The following ADGRE1 variants were observed in gnomAD, a reference collection of about 807,000 sequenced individuals.
ADGRE1 encodes the protein adhesion G protein-coupled receptor E1.
In ADGRE1, 82 loss-of-function variants were observed where a neutral mutation model predicts 102.7. The observed-to-expected ratio is 0.80, with a 90% CI of 0.67 to 0.96. The LOEUF is 0.96. ADGRE1 is among the 40% of genes least tolerant of loss of function. The pLI, the probability that ADGRE1 is intolerant of heterozygous loss-of-function variation, is 0.00. For synonymous variants in ADGRE1, 398 were observed against 399.6 expected (o/e 1.00, Z 0.05); for missense variants, 1,032 against 1,085.3 (o/e 0.95, Z 0.69).
chr19:6,890,421 GTTTTT>G lies in ADGRE1; in HGVS notation c.32-41_32-37del, dbSNP rs57355800. On this transcript the variant is annotated intron_variant, in intron 1 of 20. Transcript: ENST00000312053. ...TAATTTTGCAGGTTGAGCCCAAAAG[GTTTTT>G]TTTTTTTTTTTTTTTTTTGGTGGTT... The G allele has an allele frequency of 4.0e-3, 1,807 of 450,006 alleles. 5 individuals are homozygous for G. Among genetic ancestry groups the G allele is most frequent in the African/African-American group, 0.032 (870 of 27,144 alleles). 27.9% of individuals were successfully genotyped at this position (450,006 alleles called of 1,614,324 possible).
At chr19:6,929,293 C>A (rs1174184864) in intron 17 of ADGRE1, among the ~76,000 whole-genome samples, 1 of 152,144 alleles carries the variant, frequency 6.6e-6, no homozygotes, top group African/African-American at 2.4e-5. Context: ...GACTTCTGGC[C>A]CGCAGCAAAG....
chr19:6,904,260 C>T (rs1211665955), intron 8 of ADGRE1, 78 bp downstream of exon 8: 24 of 1,548,464 alleles, frequency 1.5e-5, no homozygotes, highest in Middle Eastern at 1.8e-4. Context: ...TACCCAACCT[C>T]GGGATCTTCC....
rs763827920 is a variant in ADGRE1, at chr19:6,935,037, T to C, written c.2340T>C (p.Leu780=). Residue 780 remains leucine (L), a synonymous_variant, in exon 18 of 21, where the codon CTT becomes CTC. Coordinates refer to ENST00000312053, the MANE Select transcript of ADGRE1 (RefSeq NM_001974.5). ...TWTLWILRQR[L]SSVNAEVSTL... ...CCTTGTGGATCCTGAGGCAGAGGCT[T>C]TCCAGTGTTAATGCCGAAGTCTCAA... The C allele has an allele frequency of 3.1e-6, 5 of 1,601,914 alleles. No homozygotes were observed. The highest frequency in any genetic ancestry group is 4.3e-6 in the Non-Finnish European group (5 of 1,173,814).
intron 10 of ADGRE1, among the ~76,000 whole-genome samples, chr19:6,909,722 G>GTTTGT (rs1408186268): frequency 1.3e-5 from 2 of 151,738 alleles, no homozygotes; most frequent in East Asian, 1.9e-4. Context: ...TTTTTTGTTT[G>GTTTGT]TTTGTTTTGT....
intron 20 of ADGRE1, among the ~76,000 whole-genome samples, chr19:6,938,956 CA>C (rs1466672866): frequency 6.6e-6 from 1 of 151,968 alleles, no homozygotes; most frequent in African/African-American, 2.4e-5. Flanking sequence ...CCAGCACACC[CA>C]GATAAATTTT....
chr19:6,922,612 TCACACA>T (rs770150909), intron 14 of ADGRE1, among the ~76,000 whole-genome samples: 6,102 of 123,152 alleles, frequency 0.05, 152 homozygotes, highest in South Asian at 0.065. Flanking sequence ...AGACTCTGTC[TCACACA>T]CACACACACA....
rs147127615 is a variant in ADGRE1 at position 6,937,405 on chromosome 19, C to A, written c.2544C>A (p.Asn848Lys). The A allele has an allele frequency of 6.2e-7, 1 of 1,613,338 alleles. No homozygotes were observed. Among genetic ancestry groups the A allele is most frequent in the South Asian group, 1.1e-5 (1 of 91,036 alleles). Residue 848 changes from asparagine (N) to lysine (K), a missense_variant, in exon 19 of 21, where the codon AAC becomes AAA. Asn to Lys is a moderately conservative substitution (Grantham distance 94, BLOSUM62 0). Transcript: ENST00000312053. The part of the protein sequence containing the change: ...AFIFLIHCLL[N>K]GQVREEYKRW... Reference sequence around the variant, plus strand: ...TCTTCCTCATCCACTGTCTGCTCAACGGCCAGGTGTGTAGCTGCTGCCCTC... The same window carrying A: ...TCTTCCTCATCCACTGTCTGCTCAAAGGCCAGGTGTGTAGCTGCTGCCCTC...
At chr19:6,922,219 C>T (rs1430116851) in intron 14 of ADGRE1, among the ~76,000 whole-genome samples, 1 of 152,072 alleles carries the variant, frequency 6.6e-6, no homozygotes, top group South Asian at 2.1e-4. Flanking sequence ...TAAAGTGGCC[C>T]GTCTAGTCCT....
intron 9 of ADGRE1, 97 bp downstream of exon 9, chr19:6,906,618 G>A: frequency 1.9e-6 from 2 of 1,079,032 alleles, no homozygotes; most frequent in Non-Finnish European, 2.8e-6. Flanking sequence ...AAAAGTAATA[G>A]TGGCCAAAAC....
chr19:6,894,017 C>CA (rs1369053146), intron 2 of ADGRE1, among the ~76,000 whole-genome samples: 5 of 152,212 alleles, frequency 3.3e-5, no homozygotes, highest in Non-Finnish European at 7.3e-5. Context: ...ATCACTCTGA[C>CA]AATGCTTTTC....
intron 5 of ADGRE1, chr19:6,897,956 T>TCCTTCCTA (rs1973629750): frequency 5.7e-6 from 1 of 176,388 alleles, no homozygotes. Context: ...CTTCCTTCCT[T>TCCTTCCTA]CCTTCCTACT....
chr19:6,890,410 G>A (rs1973315860), intron 1 of ADGRE1, 71 bp from the exon 2 acceptor site: 3 of 1,401,032 alleles, frequency 2.1e-6, no homozygotes, highest in South Asian at 2.7e-5. Flanking sequence ...TTTGCAGGTT[G>A]AGCCCAAAAG....
chr19:6,929,169 C>T (rs1344928422), intron 17 of ADGRE1, among the ~76,000 whole-genome samples: 1 of 152,030 alleles, frequency 6.6e-6, no homozygotes, highest in African/African-American at 2.4e-5. Flanking sequence ...CTAAGGAAAT[C>T]AAGGACACAG....
intron 3 of ADGRE1, 84 bp downstream of exon 3, chr19:6,896,625 C>T: frequency 1.4e-6 from 2 of 1,465,946 alleles, no homozygotes; most frequent in Non-Finnish European, 1.8e-6. Flanking sequence ...TAGGTACTCC[C>T]CCACCCCCCA....
Position 6,902,023 on chromosome 19 carries a change from T to A in ADGRE1, c.661+2T>A, listed in dbSNP as rs763544449. ...AGGGTCTCAAAGCATCGTGTGAAGG[T>A]AGGTGGGGGTGTCTTCTGAGAAGTC... is the stretch of plus-strand genomic sequence containing the variant. On this transcript the variant is annotated splice_donor_variant, in intron 6 of 20. Transcript: ENST00000312053. LOFTEE classifies it high-confidence loss of function. 1.2e-6 allele frequency: 2 copies of A among 1,613,878 alleles called. No individual in the cohort carries two copies. Among genetic ancestry groups the A allele is most frequent in the African/African-American group, 2.7e-5 (2 of 74,874 alleles).
At chr19:6,920,801 T>C (rs769480192) in intron 13 of ADGRE1, among the ~76,000 whole-genome samples, 20 of 152,258 alleles carry the variant, frequency 1.3e-4, no homozygotes, top group African/African-American at 3.4e-4. Context: ...TGAGCCACCG[T>C]GCCCACCCTT....
chr19:6,917,804 T>C (rs1003586142), intron 12 of ADGRE1, among the ~76,000 whole-genome samples: 31 of 151,924 alleles, frequency 2.0e-4, no homozygotes, highest in Middle Eastern at 3.2e-3. Flanking sequence ...ACTTTCTCTG[T>C]TGGGCACAGA....
At chr19:6,938,578 G>A (rs1057376655) in intron 20 of ADGRE1, among the ~76,000 whole-genome samples, 5 of 151,744 alleles carry the variant, frequency 3.3e-5, no homozygotes, top group East Asian at 3.9e-4. Context: ...TATTTTCTGA[G>A]TAAATAATAA....
At chr19:6,912,938 C>T (rs1974253760) in intron 10 of ADGRE1, among the ~76,000 whole-genome samples, 1 of 152,120 alleles carries the variant, frequency 6.6e-6, no homozygotes, top group Non-Finnish European at 1.5e-5. Flanking sequence ...TTCTTGCTTG[C>T]TTTCTTGCTT....
Sources: gnomAD v4.1 joint callset for allele counts (sites outside exome capture counted in the v4.1 genomes callset) on GRCh38, gnomAD v4.1.1 for gene constraint, MANE v1.5 for transcripts, NCBI Gene and HGNC (gene_info 2026-07-23, HGNC 2026-07-21) for gene names.